The following PRPF3 variants were observed in gnomAD, a reference collection of about 807,000 sequenced individuals.
The protein encoded by PRPF3 is pre-mRNA processing factor 3.
Under a neutral mutation model 89.2 loss-of-function variants are expected in PRPF3, and 3 were observed. That is an observed-to-expected ratio of 0.03 (90% confidence interval 0.02 to 0.09). The LOEUF is 0.09. Ranked by LOEUF, PRPF3 falls within the 10% of genes least tolerant of loss-of-function variation. PRPF3 has a pLI of 1.00. For missense variants in PRPF3, 463 were observed against 828.8 expected, an observed-to-expected ratio of 0.56 and a Z score of 5.42; for synonymous variants, 270 against 289.1, an observed-to-expected ratio of 0.93 and a Z score of 0.67.
intron 13 of PRPF3, 112 bp downstream of exon 13, chr1:150,346,248 T>C (rs1553872918): frequency 3.2e-6 from 4 of 1,231,924 alleles, no homozygotes; most frequent in Admixed American, 3.4e-5. Context: ...ATACCTGATA[T>C]AATATGCTAG....
At chr1:150,325,675 G>T in intron 2 of PRPF3, 76 bp from the exon 3 acceptor site, 1 of 1,554,860 alleles carries the variant, frequency 6.4e-7, no homozygotes, top group Non-Finnish European at 8.8e-7. Context: ...TTCCAGTGTT[G>T]GTACCTGTTA....
intron 9 of PRPF3, among the ~76,000 whole-genome samples, chr1:150,341,400 A>ATTTTTTTTTTTTTTTTTTTTTTTTT (rs1169772517): frequency 9.8e-6 from 1 of 101,906 alleles, no homozygotes. Context: ...AGTTGCTTCT[A>ATTTTTTTTTTTTTTTTTTTTTTTTT]TTTTTTTTTT....
At chr1:150,325,197 A>G (rs1553863410) in intron 2 of PRPF3, 110 bp downstream of exon 2, 6 of 1,329,594 alleles carry the variant, frequency 4.5e-6, no homozygotes, top group African/African-American at 1.5e-5. Context: ...ATGGCAGGCC[A>G]TATTTTATTT....
intron 9 of PRPF3, 63 bp from the exon 10 acceptor site, chr1:150,343,246 A>ATAT (rs1377872241): frequency 5.3e-5 from 21 of 399,750 alleles, no homozygotes; most frequent in African/African-American, 2.1e-4. Context: ...AGAAAAAAAA[A>ATAT]AAATATATAT....
At chr1:150,326,683 T>A (rs1199607100) in intron 3 of PRPF3, among the ~76,000 whole-genome samples, 1 of 117,166 alleles carries the variant, frequency 8.5e-6, no homozygotes, top group Non-Finnish European at 1.7e-5. Context: ...GCTATGGAAC[T>A]AAAAAAAAAA....
intron 1 of PRPF3, among the ~76,000 whole-genome samples, chr1:150,323,262 C>T (rs1391307216): frequency 2.7e-5 from 4 of 148,122 alleles, no homozygotes; most frequent in East Asian, 2.0e-4. Flanking sequence ...CCGCAACCTC[C>T]GCCTCCTGGG....
intron 8 of PRPF3, among the ~76,000 whole-genome samples, 195 bp downstream of exon 8, chr1:150,338,521 G>T (rs1397997303): frequency 4.1e-5 from 5 of 123,160 alleles, no homozygotes; most frequent in Non-Finnish European, 6.6e-5. Flanking sequence ...TTTTTTTTGA[G>T]AGGGAGTCTC....
intron 3 of PRPF3, among the ~76,000 whole-genome samples, chr1:150,326,758 C>T (rs1240406588): frequency 6.6e-6 from 1 of 151,984 alleles, no homozygotes; most frequent in African/African-American, 2.4e-5. Context: ...AGAGATAGTC[C>T]TTGCCTTAAA....
intron 15 of PRPF3, among the ~76,000 whole-genome samples, chr1:150,351,625 C>T (rs1005919108): frequency 6.8e-6 from 1 of 147,272 alleles, no homozygotes; most frequent in Non-Finnish European, 1.5e-5. Flanking sequence ...CTCAGCTTCT[C>T]AAGTATCTGA....
At position 150,352,813 on chromosome 1, in the gene PRPF3, ATT is replaced by A. The variant is rs1553874694; in HGVS notation, c.1906-19_1906-18del. ...TTAAATAAGAAATTGAAGTGTTTTT[ATT>A]ATATATCTCTTTTCTAGGGTACAGC... On this transcript the variant is annotated intron_variant, in intron 15 of 15. Transcript: ENST00000324862. The A allele has an allele frequency of 6.2e-7, 1 of 1,612,062 alleles. No homozygotes were observed. Among genetic ancestry groups the A allele is most frequent in the South Asian group, 1.1e-5 (1 of 90,986 alleles).
chr1:150,331,499 G>A (rs1656383703), intron 4 of PRPF3, among the ~76,000 whole-genome samples: 1 of 151,898 alleles, frequency 6.6e-6, no homozygotes, highest in African/African-American at 2.4e-5. Flanking sequence ...TGAGTAGCTG[G>A]CATTACAGGC....
intron 9 of PRPF3, among the ~76,000 whole-genome samples, chr1:150,342,518 A>T (rs1189608257): frequency 2.0e-5 from 3 of 151,880 alleles, no homozygotes; most frequent in African/African-American, 7.2e-5. Context: ...ACACACACAC[A>T]CACACACATG....
chr1:150,336,698 G>A (rs1553867924), intron 7 of PRPF3, among the ~76,000 whole-genome samples: 1 of 152,038 alleles, frequency 6.6e-6, no homozygotes, highest in Admixed American at 6.6e-5. Context: ...AGAGGTTGCA[G>A]TGAGCTGAGA....
chr1:150,343,512 G>T, intron 10 of PRPF3, 60 bp downstream of exon 10: 1 of 1,589,504 alleles, frequency 6.3e-7, no homozygotes. Flanking sequence ...CTTTAATCCT[G>T]GAGGAACTTT....
intron 14 of PRPF3, among the ~76,000 whole-genome samples, chr1:150,346,933 G>A (rs1185462712): frequency 6.6e-6 from 1 of 151,924 alleles, no homozygotes; most frequent in Non-Finnish European, 1.5e-5. Flanking sequence ...TCTACAAAAA[G>A]TACAAAAATT....
intron 9 of PRPF3, among the ~76,000 whole-genome samples, chr1:150,342,725 G>A (rs1258866702): frequency 2.6e-5 from 4 of 152,066 alleles, no homozygotes; most frequent in Admixed American, 2.0e-4. Flanking sequence ...GTTTCACCAT[G>A]TTGGCCAGGC....
In PRPF3 at chr1:150,346,272, T is replaced by C. The variant is rs114093558; in HGVS notation, c.1759+136T>C. On this transcript the variant is annotated intron_variant, in intron 13 of 15. Transcript: ENST00000324862. ...ATAATATGCTAGGTCTCTGCTTCTG[T>C]GTTTTTTGGAGTAGAAGGCCCTAAG... The C allele has an allele frequency of 5.4e-4, 674 of 1,237,182 alleles. 5 individuals carry two copies. The African/African-American group carries it at 9.2e-3, about 17-fold the overall frequency. 76.6% of individuals were successfully genotyped at this position (1,237,182 alleles called of 1,614,324 possible).
chr1:150,325,904 A>G (rs1655657398), intron 3 of PRPF3, 23 bp downstream of exon 3: 1 of 1,609,706 alleles, frequency 6.2e-7, no homozygotes, highest in African/African-American at 1.3e-5. Flanking sequence ...TTACTGTCTA[A>G]TGAGCTCAGG....
chr1:150,333,393 C>T (rs905390439), intron 6 of PRPF3, among the ~76,000 whole-genome samples, 194 bp downstream of exon 6: 1 of 151,966 alleles, frequency 6.6e-6, no homozygotes, highest in Non-Finnish European at 1.5e-5. Context: ...ATGGTGAAAA[C>T]CCATCTCTAC....
Sources: gnomAD v4.1 joint callset for allele counts (sites outside exome capture counted in the v4.1 genomes callset) on GRCh38, gnomAD v4.1.1 for gene constraint, MANE v1.5 for transcripts, NCBI Gene and HGNC (gene_info 2026-07-23, HGNC 2026-07-21) for gene names.